The following WWOX variants were observed in gnomAD, a reference collection of about 807,000 sequenced individuals.
The protein encoded by WWOX is WW domain containing oxidoreductase.
In WWOX, 69 loss-of-function variants were observed where a neutral mutation model predicts 46.2. The observed-to-expected ratio is 1.49, with a 90% CI of 1.23 to 1.82. WWOX has a LOEUF of 1.82. Ranked by LOEUF, WWOX falls within the 40% of genes most tolerant of loss-of-function variation. The pLI is 0.00. For missense variants in WWOX, 919 were observed against 542.6 expected (o/e 1.69, Z -6.89); for synonymous variants, 359 against 202.6 (o/e 1.77, Z -6.56).
chr16:79,083,732 A>T (rs185157788), intron 8 of WWOX, among the ~76,000 whole-genome samples: 2 of 152,172 alleles, frequency 1.3e-5, no homozygotes, highest in Non-Finnish European at 2.9e-5. Flanking sequence ...ATTTGCTTCA[A>T]AGTTTTCACT....
chr16:78,861,997 ATG>A (rs1279065862), intron 8 of WWOX, among the ~76,000 whole-genome samples: 1 of 152,060 alleles, frequency 6.6e-6, no homozygotes. Flanking sequence ...CTAATACTAT[ATG>A]TGTGTGTGTA....
In WWOX at chr16:78,149,532, A is replaced by G. The variant is rs139557474; in HGVS notation, c.410-14651A>G. On this transcript the variant is annotated intron_variant, in intron 4 of 8. Coordinates refer to ENST00000566780, the MANE Select transcript of WWOX (RefSeq NM_016373.4). ...CATACAGCAGGTAGGTTTATGTAAT[A>G]CAGTAGCTGAAGAGACCTCAATTCT... Among the ~76,000 whole-genome samples, 20 of 152,356 alleles carry G rather than the reference A, an allele frequency of 1.3e-4. No homozygotes were observed. The East Asian group carries it at 3.7e-3, about 28-fold the overall frequency.
intron 5 of WWOX, among the ~76,000 whole-genome samples, chr16:78,369,681 C>G (rs1024086854): frequency 1.3e-5 from 2 of 152,066 alleles, no homozygotes; most frequent in African/African-American, 2.4e-5. Flanking sequence ...CCAGAAAGGT[C>G]TCTCTCGGTG....
intron 6 of WWOX, among the ~76,000 whole-genome samples, chr16:78,418,247 C>G (rs1410611069): frequency 2.6e-5 from 4 of 151,964 alleles, no homozygotes; most frequent in Middle Eastern, 3.4e-3. Flanking sequence ...ACCTGTAGGC[C>G]CAGCTACTTG....
intron 5 of WWOX, among the ~76,000 whole-genome samples, chr16:78,180,836 T>C (rs2035510178): frequency 6.6e-6 from 1 of 152,128 alleles, no homozygotes; most frequent in Non-Finnish European, 1.5e-5. Context: ...ACATGAGTGC[T>C]AGTGGGTAAA....
At chr16:78,760,441 A>G (rs1172059646) in intron 8 of WWOX, among the ~76,000 whole-genome samples, 2 of 152,194 alleles carry the variant, frequency 1.3e-5, no homozygotes, top group African/African-American at 2.4e-5. Context: ...ATTTGATTTT[A>G]TCATGCAAGG....
intron 8 of WWOX, among the ~76,000 whole-genome samples, chr16:78,872,444 G>A (rs1259150057): frequency 6.6e-6 from 1 of 152,156 alleles, no homozygotes; most frequent in Non-Finnish European, 1.5e-5. Context: ...GAAATGCCAG[G>A]CTGAGAGATG....
At chr16:78,744,591 C>G (rs1597533697) in intron 8 of WWOX, among the ~76,000 whole-genome samples, 1 of 151,272 alleles carries the variant, frequency 6.6e-6, no homozygotes, top group Non-Finnish European at 1.5e-5. Flanking sequence ...GCCACCACAC[C>G]TGGCTAATTT....
chr16:79,192,596 A>G (rs893042969), intron 8 of WWOX, among the ~76,000 whole-genome samples: 1 of 152,232 alleles, frequency 6.6e-6, no homozygotes, highest in East Asian at 1.9e-4. Flanking sequence ...TAAGGTGCCT[A>G]GGTATTCAGA....
At chr16:79,181,913 A>C (rs1597452803) in intron 8 of WWOX, among the ~76,000 whole-genome samples, 1 of 152,214 alleles carries the variant, frequency 6.6e-6, no homozygotes, top group East Asian at 1.9e-4. Flanking sequence ...GAGCATTGTT[A>C]TTAATATAAT....
chr16:78,768,840 C>A (rs1420290883), intron 8 of WWOX, among the ~76,000 whole-genome samples: 1 of 152,098 alleles, frequency 6.6e-6, no homozygotes, highest in Non-Finnish European at 1.5e-5. Flanking sequence ...CCCTGAAGGG[C>A]TTTCCAGTCA....
At chr16:79,197,076 C>A (rs9938872) in intron 8 of WWOX, among the ~76,000 whole-genome samples, 27 of 152,098 alleles carry the variant, frequency 1.8e-4, no homozygotes, top group African/African-American at 6.5e-4. Context: ...TTACCTTGGG[C>A]CAGGGGAGCT....
At chr16:78,181,772 G>T (rs2035539135) in intron 5 of WWOX, among the ~76,000 whole-genome samples, 1 of 151,980 alleles carries the variant, frequency 6.6e-6, no homozygotes, top group Admixed American at 6.5e-5. Flanking sequence ...ATTTATGTTG[G>T]ATTATTGTTC....
At chr16:78,751,657 A>G (rs1449624116) in intron 8 of WWOX, among the ~76,000 whole-genome samples, 3 of 151,682 alleles carry the variant, frequency 2.0e-5, no homozygotes, top group Non-Finnish European at 4.4e-5. Flanking sequence ...ATTAAACAAT[A>G]CTCCAAGAAA....
At chr16:78,327,590 C>A (rs1203077129) in intron 5 of WWOX, among the ~76,000 whole-genome samples, 1 of 152,192 alleles carries the variant, frequency 6.6e-6, no homozygotes, top group Non-Finnish European at 1.5e-5. Context: ...TTCACTCCAA[C>A]TCCCACTGGA....
Position 78,163,934 on chromosome 16 carries a change from G to A in WWOX, c.410-249G>A, listed in dbSNP as rs62045118. ...GGGCCAGATGGTTCTATGTTGTCAG[G>A]GGCTGCCCTGTTCATGGTAAGATGT... On this transcript the variant is annotated intron_variant, in intron 4 of 8. Transcript: ENST00000566780. Among the ~76,000 whole-genome samples, 19,882 of 152,040 alleles carry A rather than the reference G, an allele frequency of 0.13. 1,560 individuals carry two copies. Among genetic ancestry groups the A allele is most frequent in the East Asian group, 0.22 (1,133 of 5,152 alleles).
chr16:78,612,747 G>A (rs1360510132), intron 8 of WWOX, among the ~76,000 whole-genome samples: 1 of 152,092 alleles, frequency 6.6e-6, no homozygotes, highest in Non-Finnish European at 1.5e-5. Flanking sequence ...AAAGTGCTGG[G>A]ATTACAGGCA....
chr16:78,910,912 A>G (rs187775437), intron 8 of WWOX, among the ~76,000 whole-genome samples: 26 of 152,224 alleles, frequency 1.7e-4, no homozygotes, highest in African/African-American at 5.8e-4. Context: ...AAAGTTATGC[A>G]TATGTTGATC....
At chr16:78,889,472 C>G (rs2044541198) in intron 8 of WWOX, among the ~76,000 whole-genome samples, 2 of 151,790 alleles carry the variant, frequency 1.3e-5, no homozygotes, top group African/African-American at 2.4e-5. Flanking sequence ...CATTCTTGCC[C>G]TTGGCGGTTG....
Sources: gnomAD v4.1 joint callset for allele counts (sites outside exome capture counted in the v4.1 genomes callset) on GRCh38, gnomAD v4.1.1 for gene constraint, MANE v1.5 for transcripts, NCBI Gene and HGNC (gene_info 2026-07-23, HGNC 2026-07-21) for gene names.